The following MAU2 variants were observed in gnomAD, a reference collection of about 807,000 sequenced individuals.
MAU2 encodes MAU2 sister chromatid cohesion factor, also known as MAU2 chromatid cohesion factor homolog.
In MAU2, 9 loss-of-function variants were observed where a neutral mutation model predicts 89.1. The observed-to-expected ratio is 0.10, with a 90% CI of 0.06 to 0.18. The LOEUF is 0.18. Among genes scored for constraint, MAU2 ranks in the 10% least tolerant of loss-of-function variants. MAU2 has a pLI of 1.00. For missense variants in MAU2, 425 were observed against 803.5 expected, an observed-to-expected ratio of 0.53 and a Z score of 5.69; for synonymous variants, 357 against 343.4, an observed-to-expected ratio of 1.04 and a Z score of -0.44.
rs2965196 is a variant in MAU2, at chr19:19,357,716, G to A, written c.*1934G>A. The A allele has an allele frequency of 0.028, 4,297 of 152,270 alleles. 95 individuals are homozygous for A. The highest frequency in any genetic ancestry group is 0.044 in the Non-Finnish European group (3,004 of 68,000). 9.4% of individuals were successfully genotyped at this position (152,270 alleles called of 1,614,324 possible). On this transcript the variant is annotated 3_prime_UTR_variant, in exon 19 of 19. Coordinates refer to ENST00000262815, the MANE Select transcript of MAU2 (RefSeq NM_015329.4). ...TTATCTATGTATATGTAAAGTTAAG[G>A]ATGAGATCTTAAGTTTACAATTAAA...
chr19:19,330,476 C>T (rs2061546884), intron 1 of MAU2, among the ~76,000 whole-genome samples: 1 of 152,104 alleles, frequency 6.6e-6, no homozygotes, highest in Admixed American at 6.5e-5. Context: ...CGCCATGGCT[C>T]ACGCCTGTAA....
chr19:19,353,950 T>C (rs2061764228), intron 16 of MAU2: 1 of 224,728 alleles, frequency 4.4e-6, no homozygotes, highest in Non-Finnish European at 9.2e-6. Flanking sequence ...CCAACTCAAT[T>C]GTGGAAGACA....
intron 18 of MAU2, 79 bp downstream of exon 18, chr19:19,355,470 A>G: frequency 4.4e-6 from 7 of 1,576,580 alleles, no homozygotes; most frequent in Non-Finnish European, 6.0e-6. Context: ...CCTTGGCTGT[A>G]TTTCTCTTTT....
intron 1 of MAU2, among the ~76,000 whole-genome samples, chr19:19,329,975 A>G (rs540356175): frequency 6.6e-6 from 1 of 150,490 alleles, no homozygotes; most frequent in African/African-American, 2.4e-5. Flanking sequence ...TTATTTATTT[A>G]TTTATTTATT....
intron 1 of MAU2, among the ~76,000 whole-genome samples, chr19:19,322,775 A>G (rs565583276): frequency 4.4e-4 from 67 of 152,288 alleles, no homozygotes; most frequent in Non-Finnish European, 8.7e-4. Flanking sequence ...AAAACTCATT[A>G]ATCTGAGGTA....
chr19:19,337,574 C>G (rs2061607577), intron 4 of MAU2, among the ~76,000 whole-genome samples: 1 of 152,210 alleles, frequency 6.6e-6, no homozygotes, highest in South Asian at 2.1e-4. Flanking sequence ...CTTTGGGTTC[C>G]CCTCCCTCCC....
At chr19:19,341,482 G>A (rs1361704275) in intron 7 of MAU2, 75 bp downstream of exon 7, 1 of 1,558,626 alleles carries the variant, frequency 6.4e-7, no homozygotes, top group Non-Finnish European at 8.7e-7. Context: ...ATGGGTCTTG[G>A]GCTGTGAGGT....
intron 17 of MAU2, 26 bp from the exon 18 acceptor site, chr19:19,355,238 C>T (rs778088476): frequency 1.9e-5 from 30 of 1,611,800 alleles, no homozygotes; most frequent in Non-Finnish European, 2.5e-5. Flanking sequence ...GCAAGGCGGG[C>T]CCCCATGCTC....
chr19:19,349,311 GT>G lies in MAU2; in HGVS notation c.1437-12del, dbSNP rs1261865062. The G allele has an allele frequency of 6.2e-7, 1 of 1,614,032 alleles. No individual in the cohort carries two copies. The highest frequency in any genetic ancestry group is 1.3e-5 in the African/African-American group (1 of 74,956). On this transcript the variant is annotated splice_polypyrimidine_tract_variant and intron_variant, in intron 15 of 18. Transcript: ENST00000262815. ...CCGTCCTGCAGTTATCAGCGTCCAT[GT>G]TCTCCTTGTCAGGCGATTTCTGCGG...
At chr19:19,330,727 C>T (rs1028497649) in intron 1 of MAU2, among the ~76,000 whole-genome samples, 9 of 151,966 alleles carry the variant, frequency 5.9e-5, no homozygotes, top group African/African-American at 1.4e-4. Flanking sequence ...GCAGCAAGAG[C>T]GAAAATTCAT....
At chr19:19,321,406 A>G (rs2061454721) in intron 1 of MAU2, 1 of 422,906 alleles carries the variant, frequency 2.4e-6, no homozygotes, top group Non-Finnish European at 4.2e-6. Context: ...GTTGCCTGTT[A>G]TTGGGAGCAA....
rs1281069678 is a variant in MAU2 at position 19,327,097 on chromosome 19, C to T, written c.276+5962C>T. The stretch of plus-strand genomic sequence containing the variant: ...AAGTGCTGGGATTACAGGTGTGAGC[C>T]ACCACACACAGCCTCCCCAGGAGCT... On this transcript the variant is annotated intron_variant, in intron 1 of 18. Coordinates refer to ENST00000262815, the MANE Select transcript of MAU2 (RefSeq NM_015329.4). Among the ~76,000 whole-genome samples, 6 of 150,240 alleles carry T rather than the reference C, an allele frequency of 4.0e-5. No individual in the cohort carries two copies. In the East Asian group the frequency reaches 1.2e-3, roughly 29 times the overall value.
rs1198018417 is a variant in MAU2 at position 19,358,636 on chromosome 19, G to A, written c.*2854G>A. 2 of 152,146 alleles carry A rather than the reference G, an allele frequency of 1.3e-5. No homozygotes were observed. The highest frequency in any genetic ancestry group is 2.4e-5 in the African/African-American group (1 of 41,434). The allele number at this position is 152,146 out of a possible 1,614,324, so 9.4% of individuals were successfully genotyped here. On this transcript the variant is annotated 3_prime_UTR_variant, in exon 19 of 19. Transcript: ENST00000262815. ...ACTTTTCAGCTGGTGCTTTTACTTA[G>A]GGAAAAAAACAATTTGTAAATACAG...
chr19:19,345,213 G>A lies in MAU2; in HGVS notation c.1156-91G>A. The A allele has an allele frequency of 8.8e-7, 1 of 1,139,762 alleles. No homozygotes were observed. Among genetic ancestry groups the A allele is most frequent in the Non-Finnish European group, 1.3e-6 (1 of 755,548 alleles). 70.6% of individuals were successfully genotyped at this position (1,139,762 alleles called of 1,614,324 possible). The stretch of plus-strand genomic sequence containing the variant: ...AGAGCCATTGTCATACTCCTCCAGG[G>A]CAGCCGTGCAGGCCCCGGGCACACC... On this transcript the variant is annotated intron_variant, in intron 11 of 18. Coordinates refer to ENST00000262815, the MANE Select transcript of MAU2 (RefSeq NM_015329.4). This position sits in a 1 kb window ranked among gnomAD's most constrained non-coding sequence, Gnocchi z 4.9.
intron 1 of MAU2, among the ~76,000 whole-genome samples, chr19:19,324,681 C>A (rs780452258): frequency 1.3e-5 from 2 of 152,186 alleles, no homozygotes; most frequent in Admixed American, 1.3e-4. Context: ...TGCCTTTGCT[C>A]TGTCAAATGG....
In MAU2 at chr19:19,357,714, A is replaced by T. The variant is rs2048195581; in HGVS notation, c.*1932A>T. On this transcript the variant is annotated 3_prime_UTR_variant, in exon 19 of 19. Coordinates refer to ENST00000262815, the MANE Select transcript of MAU2 (RefSeq NM_015329.4). Reference sequence around the variant, plus strand: ...TGTTATCTATGTATATGTAAAGTTAAGGATGAGATCTTAAGTTTACAATTA... The same window carrying T: ...TGTTATCTATGTATATGTAAAGTTATGGATGAGATCTTAAGTTTACAATTA... The T allele has an allele frequency of 6.6e-6, 1 of 152,428 alleles. No homozygotes were observed. The highest frequency in any genetic ancestry group is 2.4e-5 in the African/African-American group (1 of 41,418). The allele number at this position is 152,428 out of a possible 1,614,324, so 9.4% of individuals were successfully genotyped here.
At chr19:19,321,416 A>G (rs1199579801) in intron 1 of MAU2, 1 of 392,436 alleles carries the variant, frequency 2.5e-6, no homozygotes. Context: ...ATTGGGAGCA[A>G]CAGGATCCGC....
At chr19:19,321,852 C>G (rs2061460606) in intron 1 of MAU2, 1 of 152,172 alleles carries the variant, frequency 6.6e-6, no homozygotes. Context: ...CCTGCTTTTT[C>G]TCCATCCACT....
rs2061723138 is a variant in MAU2, at chr19:19,349,403, G to A, written c.1515G>A (p.Leu505=). Reference sequence around the variant, plus strand: ...TCACAGCCTGCTCCCTCGTGCTTCTGGGCCACATCTTCTATGTGCTGGGAA... The same window carrying A: ...TCACAGCCTGCTCCCTCGTGCTTCTAGGCCACATCTTCTATGTGCTGGGAA... ...NRLTACSLVL[L]GHIFYVLGNH... The change falls in exon 16 of 19, where the codon CTG becomes CTA. Residue 505 remains leucine, a synonymous_variant. Coordinates refer to ENST00000262815, the MANE Select transcript of MAU2 (RefSeq NM_015329.4). 6.2e-7 allele frequency: 1 copy of A among 1,614,054 alleles called. No homozygotes were observed. Among genetic ancestry groups the A allele is most frequent in the Non-Finnish European group, 8.5e-7 (1 of 1,180,056 alleles).
Sources: allele counts gnomAD v4.1 joint callset (sites outside exome capture counted in the v4.1 genomes callset), GRCh38; gene constraint gnomAD v4.1.1; non-coding constraint Gnocchi (gnomAD v3.1); transcripts MANE v1.5; gene names NCBI Gene and HGNC (gene_info 2026-07-23, HGNC 2026-07-21).